ZNF777: variants seen among roughly 807,000 people sequenced by gnomAD.
ZNF777 encodes zinc finger protein 777.
Under a neutral mutation model 72.1 loss-of-function variants are expected in ZNF777, and 7 were observed. The observed-to-expected ratio is 0.10, with a 90% CI of 0.06 to 0.18. The LOEUF (loss-of-function observed/expected upper bound fraction) is 0.18, where lower values mean the gene tolerates loss of function less well. Ranked by LOEUF, ZNF777 falls within the 10% of genes least tolerant of loss-of-function variation. The pLI, the probability that ZNF777 is intolerant of heterozygous loss-of-function variation, is 1.00. For missense variants in ZNF777, 828 were observed against 1,128.6 expected, an observed-to-expected ratio of 0.73 and a Z score of 3.82; for synonymous variants, 545 against 483.5, an observed-to-expected ratio of 1.13 and a Z score of -1.67.
In ZNF777 at chr7:149,431,755, C is replaced by T. The variant is rs1156245113; in HGVS notation, c.*21G>A. ...GGCACGGCCCGCGCACCTGGCCGGG[C>T]GGCGGCGGCGGGGCGCGCGCTCACT... On this transcript the variant is annotated 3_prime_UTR_variant, in exon 6 of 6. Coordinates refer to ENST00000247930, the MANE Select transcript of ZNF777 (RefSeq NM_015694.3). The T allele has an allele frequency of 1.4e-6, 2 of 1,391,330 alleles. No individual in the cohort carries two copies. The highest frequency in any genetic ancestry group is 1.9e-6 in the Non-Finnish European group (2 of 1,076,746). 86.2% of individuals were successfully genotyped at this position (1,391,330 alleles called of 1,614,324 possible).
chr7:149,439,475 C>A (rs1160550181), intron 4 of ZNF777, among the ~76,000 whole-genome samples: 1 of 152,132 alleles, frequency 6.6e-6, no homozygotes, highest in East Asian at 1.9e-4. Context: ...CTTCCATCAC[C>A]CTTTAATGTC....
Position 149,436,261 on chromosome 7 carries a change from ACT to A in ZNF777, c.1339+312_1339+313del, listed in dbSNP as rs1222181758. On this transcript the variant is annotated intron_variant, in intron 5 of 5. Transcript: ENST00000247930. The surrounding 1 kb of genome is among the most constrained non-coding windows in gnomAD (Gnocchi z 5.0). ...ACGTTGGGAGAGTTCTAGCTTTGCC[ACT>A]CTCTGTGTGGCCTTGCCCCATCTAT... Among the ~76,000 whole-genome samples, 1 of 151,672 alleles carries A rather than the reference ACT, an allele frequency of 6.6e-6. No homozygotes were observed. The highest frequency in any genetic ancestry group is 1.5e-5 in the Non-Finnish European group (1 of 67,922).
At position 149,431,399 on chromosome 7, in the gene ZNF777, CCA is replaced by C; in HGVS notation, c.*375_*376del. The C allele has an allele frequency of 2.5e-6, 1 of 399,056 alleles. No homozygotes were observed. Among genetic ancestry groups the C allele is most frequent in the Non-Finnish European group, 4.8e-6 (1 of 206,522 alleles). The allele number at this position is 399,056 out of a possible 1,614,324, so 24.7% of individuals were successfully genotyped here. Reference sequence around the variant, plus strand: ...ATTACTCTATTATTATCAAATAGAACCACAGTATCCAAAAGGTAATTATAAAG... The same window carrying C: ...ATTACTCTATTATTATCAAATAGAACCAGTATCCAAAAGGTAATTATAAAG... On this transcript the variant is annotated 3_prime_UTR_variant, in exon 6 of 6. Transcript: ENST00000247930.
rs372086467 is a variant in ZNF777, at chr7:149,454,249, C to T, written c.847-12G>A. On this transcript the variant is annotated splice_polypyrimidine_tract_variant and intron_variant, in intron 2 of 5. Coordinates refer to ENST00000247930, the MANE Select transcript of ZNF777 (RefSeq NM_015694.3). ...AATGTGACAGGGACCTGAAACCACA[C>T]AATAACTCGGCTCAGACCCGCTGGA... 5 of 1,613,830 alleles carry T rather than the reference C, an allele frequency of 3.1e-6. No individual in the cohort carries two copies. Among genetic ancestry groups the T allele is most frequent in the African/African-American group, 2.7e-5 (2 of 74,914 alleles).
intron 4 of ZNF777, among the ~76,000 whole-genome samples, chr7:149,448,587 A>AAC (rs1799657266): frequency 2.2e-5 from 1 of 44,860 alleles, no homozygotes; most frequent in African/African-American, 1.3e-4. Context: ...AACTATATAT[A>AAC]TATATATATA....
Position 149,460,894 on chromosome 7 carries a change from C to T in ZNF777, c.-95G>A, listed in dbSNP as rs910638319. On this transcript the variant is annotated 5_prime_UTR_variant, in exon 1 of 6. Coordinates refer to ENST00000247930, the MANE Select transcript of ZNF777 (RefSeq NM_015694.3). This position sits in a 1 kb window ranked among gnomAD's most constrained non-coding sequence, Gnocchi z 6.1. ...GGAGGCGCAGTCGGAGCGCGCAGCC[C>T]AGGCGACGTGCTGGGGTCTGGAGGC... is the stretch of plus-strand genomic sequence containing the variant. 4 of 152,320 alleles carry T rather than the reference C, an allele frequency of 2.6e-5. No homozygotes were observed. The highest frequency in any genetic ancestry group is 9.6e-5 in the African/African-American group (4 of 41,454). The allele number at this position is 152,320 out of a possible 1,614,324, so 9.4% of individuals were successfully genotyped here.
At chr7:149,446,499 T>C (rs779323845) in intron 4 of ZNF777, among the ~76,000 whole-genome samples, 10 of 152,232 alleles carry the variant, frequency 6.6e-5, no homozygotes, top group African/African-American at 1.2e-4. Context: ...GAGTAATACA[T>C]GCTCACATCA....
At chr7:149,437,799 CTTTTTCT>C (rs908656740) in intron 4 of ZNF777, among the ~76,000 whole-genome samples, 13 of 115,658 alleles carry the variant, frequency 1.1e-4, no homozygotes, top group South Asian at 9.0e-4. Context: ...ATGTTTGTTT[CTTTTTCT>C]TTTTTTTTTT....
chr7:149,460,182 C>T lies in ZNF777; in HGVS notation c.-16+633G>A. On this transcript the variant is annotated intron_variant, in intron 1 of 5. Coordinates refer to ENST00000247930, the MANE Select transcript of ZNF777 (RefSeq NM_015694.3). This position sits in a 1 kb window ranked among gnomAD's most constrained non-coding sequence, Gnocchi z 6.1. ...TGTCCGGCCCGGGCCCCCGGAGTCG[C>T]CGCCGCTACTGCCGCCGCCGCTACT... The T allele has an allele frequency of 1.2e-6, 1 of 843,036 alleles. No homozygotes were observed. Among genetic ancestry groups the T allele is most frequent in the South Asian group, 5.4e-5 (1 of 18,592 alleles). The allele number at this position is 843,036 out of a possible 1,614,324, so 52.2% of individuals were successfully genotyped here. A position where few individuals can be genotyped will look rare whatever the true frequency, so the allele number is the denominator to read the frequency against.
intron 3 of ZNF777, among the ~76,000 whole-genome samples, chr7:149,452,614 C>T (rs1412567598): frequency 7.5e-6 from 1 of 133,028 alleles, no homozygotes; most frequent in Non-Finnish European, 1.6e-5. Flanking sequence ...GCCTGGGCAA[C>T]AGAGCGAGAC....
intron 4 of ZNF777, among the ~76,000 whole-genome samples, chr7:149,450,366 C>T (rs1220951679): frequency 1.3e-5 from 2 of 152,172 alleles, no homozygotes; most frequent in East Asian, 1.9e-4. Flanking sequence ...CCAGGCCCTA[C>T]GGTTAGATAT....
Position 149,432,709 on chromosome 7 carries a change from G to C in ZNF777, c.1563C>G (p.His521Gln). ...PAVKRLAPSV[H>Q]GERHLSENRG... ...GGTTCTCGCTCAGGTGCCGCTCACC[G>C]TGCACGGAGGGCGCCAGCCTTTTCA... Residue 521 changes from histidine to glutamine, a missense_variant, in exon 6 of 6, where the codon CAC becomes CAG. By Grantham distance (24) the His-to-Gln change is conservative. Coordinates refer to ENST00000247930, the MANE Select transcript of ZNF777 (RefSeq NM_015694.3). 4.3e-6 allele frequency: 7 copies of C among 1,612,348 alleles called. 1 individual carries two copies. In the South Asian group the frequency reaches 7.7e-5, roughly 18 times the overall value.
chr7:149,438,448 T>C (rs1176449608), intron 4 of ZNF777, among the ~76,000 whole-genome samples: 2 of 152,246 alleles, frequency 1.3e-5, no homozygotes, highest in Non-Finnish European at 2.9e-5. Context: ...AAATGTTTAC[T>C]GCAATGACAA....
Position 149,431,606 on chromosome 7 carries a change from C to G in ZNF777, c.*170G>C, listed in dbSNP as rs1004335820. 2 of 697,958 alleles carry G rather than the reference C, an allele frequency of 2.9e-6. No individual in the cohort carries two copies. Among genetic ancestry groups the G allele is most frequent in the African/African-American group, 3.7e-5 (2 of 53,408 alleles). The allele number at this position is 697,958 out of a possible 1,614,324, so 43.2% of individuals were successfully genotyped here. A position where few individuals can be genotyped will look rare whatever the true frequency, so the allele number is the denominator to read the frequency against. ...CCGGGGAAACGCGGCAGCAAGGGACCTGGTCTCACTGCCCCCATGTCCTTG... is the reference window on the plus strand; with the variant it reads ...CCGGGGAAACGCGGCAGCAAGGGACGTGGTCTCACTGCCCCCATGTCCTTG... On this transcript the variant is annotated 3_prime_UTR_variant, in exon 6 of 6. Transcript: ENST00000247930.
chr7:149,457,107 G>A (rs764401933), intron 1 of ZNF777, among the ~76,000 whole-genome samples: 3 of 152,130 alleles, frequency 2.0e-5, no homozygotes, highest in Non-Finnish European at 2.9e-5. Flanking sequence ...AGATTTGGGG[G>A]GACTAGACCA....
intron 1 of ZNF777, chr7:149,459,521 G>T: frequency 1.8e-6 from 1 of 553,386 alleles, no homozygotes; most frequent in Non-Finnish European, 2.3e-6. Context: ...CGCCCCCGAC[G>T]GGCCGCGTCC....
At chr7:149,450,753 G>C (rs1460972088) in intron 4 of ZNF777, among the ~76,000 whole-genome samples, 19 of 152,200 alleles carry the variant, frequency 1.2e-4, no homozygotes, top group Admixed American at 1.2e-3. Flanking sequence ...TTCCTACAGA[G>C]AGTGAGGTGA....
chr7:149,434,166 G>C (rs1799373681), intron 5 of ZNF777, among the ~76,000 whole-genome samples: 1 of 152,092 alleles, frequency 6.6e-6, no homozygotes, highest in Admixed American at 6.6e-5. Flanking sequence ...TGAAGTCCTA[G>C]GCCTTTCTAG....
intron 1 of ZNF777, chr7:149,459,548 A>G (rs1799903676): frequency 3.8e-6 from 3 of 790,296 alleles, no homozygotes; most frequent in Middle Eastern, 6.3e-4. Context: ...AGGGCGGCCC[A>G]GCCCCTCACC....
Sources: allele counts gnomAD v4.1 joint callset (sites outside exome capture counted in the v4.1 genomes callset), GRCh38; gene constraint gnomAD v4.1.1; non-coding constraint Gnocchi (gnomAD v3.1); transcripts MANE v1.5; gene names NCBI Gene and HGNC (gene_info 2026-07-23, HGNC 2026-07-21).